Variants in MAN2A1 observed in about 807,000 individuals in gnomAD.
MAN2A1 encodes the protein alpha-mannosidase 2.
Under a neutral mutation model 142.6 loss-of-function variants are expected in MAN2A1, and 76 were observed. That is an observed-to-expected ratio of 0.53 (90% confidence interval 0.44 to 0.65). The LOEUF (loss-of-function observed/expected upper bound fraction) is 0.65, where lower values mean the gene tolerates loss of function less well. MAN2A1 is among the 30% of genes least tolerant of loss of function. MAN2A1 has a pLI of 0.00. For synonymous variants in MAN2A1, 559 were observed against 473.2 expected (o/e 1.18, Z -2.35); for missense variants, 1,311 against 1,365.1 (o/e 0.96, Z 0.62).
intron 16 of MAN2A1, among the ~76,000 whole-genome samples, chr5:109,824,754 A>C (rs1285781998): frequency 6.6e-6 from 1 of 152,230 alleles, no homozygotes; most frequent in African/African-American, 2.4e-5. Context: ...GTGGGAAAGC[A>C]AAGGGATACT....
chr5:109,820,686 T>A (rs1430034516), intron 15 of MAN2A1, among the ~76,000 whole-genome samples: 2 of 152,028 alleles, frequency 1.3e-5, no homozygotes, highest in Non-Finnish European at 2.9e-5. Flanking sequence ...GCACCTACAG[T>A]CCCAGTTACT....
chr5:109,771,857 C>G (rs971988423), intron 7 of MAN2A1, among the ~76,000 whole-genome samples: 12 of 152,228 alleles, frequency 7.9e-5, no homozygotes, highest in African/African-American at 2.6e-4. Context: ...AGTCCCAGTG[C>G]ATTCATAGTA....
At chr5:109,830,578 T>G (rs1468187292) in intron 16 of MAN2A1, among the ~76,000 whole-genome samples, 1 of 152,220 alleles carries the variant, frequency 6.6e-6, no homozygotes, top group Non-Finnish European at 1.5e-5. Context: ...CTTTTTATTT[T>G]CATAAAAAGA....
intron 18 of MAN2A1, among the ~76,000 whole-genome samples, chr5:109,847,188 A>G (rs1047993314): frequency 1.3e-5 from 2 of 152,192 alleles, no homozygotes; most frequent in African/African-American, 4.8e-5. Context: ...GCTGTGCCCT[A>G]AATAGAGGAC....
chr5:109,717,455 T>C (rs1751487851), intron 3 of MAN2A1, among the ~76,000 whole-genome samples: 1 of 152,246 alleles, frequency 6.6e-6, no homozygotes, highest in Admixed American at 6.5e-5. Flanking sequence ...ATGTAAAATA[T>C]ATGAAATCAA....
At position 109,729,465 on chromosome 5, in the gene MAN2A1, C is replaced by T. The variant is rs1197322195; in HGVS notation, c.659C>T (p.Ser220Leu). ...KFIWSEISYL[S>L]KWWDIIDIQK... Reference sequence around the variant, plus strand: ...ATTTGGTCTGAGATCTCTTACCTTTCAAAGTGGTGGGATATTATAGATATT... The same window carrying T: ...ATTTGGTCTGAGATCTCTTACCTTTTAAAGTGGTGGGATATTATAGATATT... Residue 220 changes from serine (S) to leucine (L), a missense_variant, in exon 4 of 22, where the codon TCA becomes TTA. This residue lies in a region of MAN2A1 where 409 missense variants were observed against 412.7 expected (regional missense o/e 0.99). Transcript: ENST00000261483. The T allele has an allele frequency of 1.3e-6, 2 of 1,594,086 alleles. No individual in the cohort carries two copies. The highest frequency in any genetic ancestry group is 1.7e-6 in the Non-Finnish European group (2 of 1,170,406).
chr5:109,696,564 G>C (rs556228070), intron 1 of MAN2A1, among the ~76,000 whole-genome samples: 2 of 152,166 alleles, frequency 1.3e-5, no homozygotes, highest in African/African-American at 4.8e-5. Context: ...GAATTCTTTC[G>C]TGTTAAGGGC....
intron 20 of MAN2A1, among the ~76,000 whole-genome samples, chr5:109,859,319 A>G (rs907711634): frequency 6.6e-6 from 1 of 152,218 alleles, no homozygotes; most frequent in Admixed American, 6.5e-5. Flanking sequence ...TACATTTTAT[A>G]TAGACATATC....
At chr5:109,762,195 A>G (rs750382605) in intron 5 of MAN2A1, among the ~76,000 whole-genome samples, 2 of 152,166 alleles carry the variant, frequency 1.3e-5, no homozygotes, top group African/African-American at 2.4e-5. Flanking sequence ...GTTTAAAGCT[A>G]TCTTCTCTAC....
At chr5:109,726,666 G>C (rs898482881) in intron 3 of MAN2A1, among the ~76,000 whole-genome samples, 1 of 152,076 alleles carries the variant, frequency 6.6e-6, no homozygotes, top group Admixed American at 6.6e-5. Flanking sequence ...AATGGCCTTA[G>C]TTCATTCATC....
At chr5:109,718,408 A>G (rs1029599912) in intron 3 of MAN2A1, among the ~76,000 whole-genome samples, 3 of 152,226 alleles carry the variant, frequency 2.0e-5, no homozygotes, top group Admixed American at 6.5e-5. Flanking sequence ...ATGTTTTACA[A>G]ACATTTAGTG....
chr5:109,736,725 G>A (rs1038793904), intron 4 of MAN2A1, among the ~76,000 whole-genome samples: 2 of 151,700 alleles, frequency 1.3e-5, no homozygotes, highest in Non-Finnish European at 2.9e-5. Flanking sequence ...AATTTTGTTG[G>A]TTTTTGCCCA....
At chr5:109,718,576 C>G (rs1019813288) in intron 3 of MAN2A1, among the ~76,000 whole-genome samples, 1 of 152,116 alleles carries the variant, frequency 6.6e-6, no homozygotes, top group Non-Finnish European at 1.5e-5. Flanking sequence ...TAAACACACT[C>G]TCCTCATGGC....
chr5:109,734,039 C>G (rs902349346), intron 4 of MAN2A1, among the ~76,000 whole-genome samples: 20 of 152,138 alleles, frequency 1.3e-4, no homozygotes, highest in African/African-American at 4.6e-4. Flanking sequence ...ACAATTTCAG[C>G]TCCTGTTATT....
At chr5:109,723,779 TC>T (rs1357622422) in intron 3 of MAN2A1, among the ~76,000 whole-genome samples, 1 of 152,186 alleles carries the variant, frequency 6.6e-6, no homozygotes, top group African/African-American at 2.4e-5. Context: ...ATAACCAACT[TC>T]CTGTCTTTTC....
intron 6 of MAN2A1, 91 bp from the exon 7 acceptor site, chr5:109,770,264 C>T: frequency 8.4e-7 from 1 of 1,190,972 alleles, no homozygotes; most frequent in South Asian, 1.4e-5. Context: ...GCTAAATCAG[C>T]ATTACTTTGT....
rs552799516 is a variant in MAN2A1, at chr5:109,868,392, G to A, written c.*1394G>A. On this transcript the variant is annotated 3_prime_UTR_variant, in exon 22 of 22. Coordinates refer to ENST00000261483, the MANE Select transcript of MAN2A1 (RefSeq NM_002372.4). Reference sequence around the variant, plus strand: ...GTTTCCTTAACATTAAAATAATAGCGACATTTAGACTATGCAATTTTAGCA... The same window carrying A: ...GTTTCCTTAACATTAAAATAATAGCAACATTTAGACTATGCAATTTTAGCA... The A allele has an allele frequency of 6.6e-6, 1 of 152,214 alleles. No homozygotes were observed. Among genetic ancestry groups the A allele is most frequent in the South Asian group, 2.1e-4 (1 of 4,826 alleles). The allele number at this position is 152,214 out of a possible 1,614,324, so 9.4% of individuals were successfully genotyped here. A position where few individuals can be genotyped will look rare whatever the true frequency, so the allele number is the denominator to read the frequency against.
chr5:109,842,454 G>C lies in MAN2A1; in HGVS notation c.2693G>C (p.Gly898Ala), dbSNP rs1755232263. 5.8e-6 allele frequency: 9 copies of C among 1,542,530 alleles called. No homozygotes were observed. Among genetic ancestry groups the C allele is most frequent in the Non-Finnish European group, 7.9e-6 (9 of 1,133,382 alleles). Residue 898 changes from glycine to alanine, a missense_variant, in exon 17 of 22, where the codon GGG becomes GCG. Transcript: ENST00000261483. ...SQNRFYTDLN[G>A]YQIQPRMTLS... ...AATAGATTTTATACTGACCTAAATGGGTACCAGGTAATTTTTCCTTTAAAA... is the reference window on the plus strand; with the variant it reads ...AATAGATTTTATACTGACCTAAATGCGTACCAGGTAATTTTTCCTTTAAAA...
chr5:109,844,477 CT>C lies in MAN2A1; in HGVS notation c.2701-1376del, dbSNP rs942342052. ...AGAGAATTCTTTTAAGGTAGCTTTA[CT>C]TTTTTTTTTTTCTTTAAACATTTTA... On this transcript the variant is annotated intron_variant, in intron 17 of 21. Transcript: ENST00000261483. 3.3e-3 allele frequency among the ~76,000 whole-genome samples: 485 copies of C among 145,030 alleles called. 1 individual carries two copies. Among genetic ancestry groups the C allele is most frequent in the African/African-American group, 8.5e-3 (337 of 39,804 alleles).
Sources: gnomAD v4.1 joint callset for allele counts (sites outside exome capture counted in the v4.1 genomes callset) on GRCh38, gnomAD v4.1.1 for gene constraint, gnomAD v4.1.1 regional missense constraint, MANE v1.5 for transcripts, NCBI Gene and HGNC (gene_info 2026-07-23, HGNC 2026-07-21) for gene names.